HEPACAM2: variants seen among roughly 807,000 people sequenced by gnomAD.
The protein encoded by HEPACAM2 is HEPACAM family member 2.
HEPACAM2 carries 49 observed loss-of-function variants against 49.6 expected under a neutral mutation model. That is an observed-to-expected ratio of 0.99 (90% CI 0.78 to 1.25). The LOEUF is 1.25. Ranked by LOEUF, HEPACAM2 falls within the 50% of genes most tolerant of loss-of-function variation. HEPACAM2 has a pLI of 0.00. For missense variants in HEPACAM2, 525 were observed against 557.2 expected (o/e 0.94, Z 0.58); for synonymous variants, 197 against 202.9 (o/e 0.97, Z 0.25).
At chr7:93,195,774 C>T (rs1793697989) in intron 8 of HEPACAM2, 54 bp downstream of exon 8, 2 of 1,380,480 alleles carry the variant, frequency 1.4e-6, no homozygotes, top group Non-Finnish European at 1.0e-6. Flanking sequence ...CTTTTTACAC[C>T]TCTGGTGAAG....
At chr7:93,189,760 T>A (rs1158103087) in intron 9 of HEPACAM2, among the ~76,000 whole-genome samples, 1 of 152,016 alleles carries the variant, frequency 6.6e-6, no homozygotes, top group African/African-American at 2.4e-5. Context: ...ATTGTTTGGC[T>A]GTCTTTCCTA....
intron 1 of HEPACAM2, among the ~76,000 whole-genome samples, chr7:93,221,353 TAGAAAGG>T (rs1794445638): frequency 6.6e-6 from 1 of 152,208 alleles, no homozygotes; most frequent in South Asian, 2.1e-4. Context: ...TTCATTCTAC[TAGAAAGG>T]GAGTCCTCAA....
intron 7 of HEPACAM2, among the ~76,000 whole-genome samples, chr7:93,196,564 A>G (rs1793725674): frequency 6.6e-6 from 1 of 152,074 alleles, no homozygotes; most frequent in Non-Finnish European, 1.5e-5. Flanking sequence ...CACTCCACCT[A>G]TATCATTTTA....
At chr7:93,220,820 C>A (rs1794434631) in intron 1 of HEPACAM2, among the ~76,000 whole-genome samples, 1 of 152,134 alleles carries the variant, frequency 6.6e-6, no homozygotes, top group African/African-American at 2.4e-5. Flanking sequence ...TTTAGCATTT[C>A]TATGTATTTG....
intron 1 of HEPACAM2, among the ~76,000 whole-genome samples, chr7:93,220,130 A>G (rs2116720172): frequency 6.6e-6 from 1 of 152,332 alleles, no homozygotes; most frequent in South Asian, 2.1e-4. Flanking sequence ...ACAGACTGGC[A>G]GGACCTTAGG....
chr7:93,215,635 C>T lies in HEPACAM2; in HGVS notation c.481G>A (p.Glu161Lys). ...VQIHPPSGAV[E>K]YVGNMTLTCH... ...GTCAGGGTCATGTTCCCCACATACT[C>T]CACAGCCCCAGAGGGAGGATGAATC... The change falls in exon 3 of 10, where the codon GAG becomes AAG. Residue 161 changes from glutamate to lysine, a missense_variant. Coordinates refer to ENST00000394468, the MANE Select transcript of HEPACAM2 (RefSeq NM_001039372.4). The T allele has an allele frequency of 6.2e-7, 1 of 1,613,690 alleles. No homozygotes were observed. Among genetic ancestry groups the T allele is most frequent in the Non-Finnish European group, 8.5e-7 (1 of 1,179,796 alleles).
intron 8 of HEPACAM2, among the ~76,000 whole-genome samples, chr7:93,195,248 G>C (rs998483171): frequency 6.6e-6 from 1 of 152,082 alleles, no homozygotes; most frequent in Admixed American, 6.6e-5. Flanking sequence ...ATTTATTTGA[G>C]ACAGGGTCTT....
intron 1 of HEPACAM2, chr7:93,225,997 A>T (rs1235744471): frequency 2.3e-6 from 2 of 887,526 alleles, no homozygotes; most frequent in Non-Finnish European, 1.7e-6. Context: ...TTGTAGTTTC[A>T]CTCTAAGTGG....
At chr7:93,208,105 A>C (rs1488430393) in intron 4 of HEPACAM2, among the ~76,000 whole-genome samples, 1 of 151,988 alleles carries the variant, frequency 6.6e-6, no homozygotes, top group East Asian at 1.9e-4. Flanking sequence ...CCCCTTGTGA[A>C]CTTCCATAGA....
At chr7:93,202,193 A>G (rs556802938) in intron 4 of HEPACAM2, among the ~76,000 whole-genome samples, 27 of 150,838 alleles carry the variant, frequency 1.8e-4, no homozygotes, top group African/African-American at 6.3e-4. Flanking sequence ...CTATTTCGTC[A>G]TTTTAGATCT....
chr7:93,226,740 C>A (rs116929191), upstream of HEPACAM2, among the ~76,000 whole-genome samples: 4 of 152,012 alleles, frequency 2.6e-5, no homozygotes, highest in African/African-American at 4.8e-5. Flanking sequence ...CATCCTTTTG[C>A]GTGACTTTAC....
intron 3 of HEPACAM2, among the ~76,000 whole-genome samples, chr7:93,212,215 C>T (rs986626856): frequency 2.0e-5 from 3 of 151,964 alleles, no homozygotes; most frequent in Non-Finnish European, 4.4e-5. Flanking sequence ...AATAAAAATA[C>T]CTTTAAAGAA....
At chr7:93,196,826 C>T (rs909305326) in intron 7 of HEPACAM2, among the ~76,000 whole-genome samples, 12 of 152,126 alleles carry the variant, frequency 7.9e-5, no homozygotes, top group African/African-American at 2.9e-4. Context: ...ATCTTCTTTT[C>T]CTCTTCTCTT....
chr7:93,215,689 C>T lies in HEPACAM2; in HGVS notation c.431-4G>A. 1.2e-6 allele frequency: 2 copies of T among 1,611,714 alleles called. No individual in the cohort carries two copies. The highest frequency in any genetic ancestry group is 1.7e-6 in the Non-Finnish European group (2 of 1,178,518). On this transcript the variant is annotated splice_region_variant and splice_polypyrimidine_tract_variant and intron_variant, in intron 2 of 9. Coordinates refer to ENST00000394468, the MANE Select transcript of HEPACAM2 (RefSeq NM_001039372.4). The stretch of plus-strand genomic sequence containing the variant: ...ACCACTGGCTTTGTGACAGGATCTG[C>T]AATATTAAGAGAGATATGAATGATT...
chr7:93,229,283 G>A (rs1794588524), upstream of HEPACAM2, among the ~76,000 whole-genome samples: 1 of 152,166 alleles, frequency 6.6e-6, no homozygotes, highest in Non-Finnish European at 1.5e-5. Context: ...AAGCTGCCTC[G>A]TGGAAGCCTT....
chr7:93,213,372 T>C (rs1794224914), intron 3 of HEPACAM2, among the ~76,000 whole-genome samples: 1 of 152,022 alleles, frequency 6.6e-6, no homozygotes, highest in Non-Finnish European at 1.5e-5. Flanking sequence ...TTTATTATAC[T>C]TTTTCTGCCA....
rs1794247448 is a variant in HEPACAM2, at chr7:93,214,217, G to A, written c.715+1184C>T. On this transcript the variant is annotated intron_variant, in intron 3 of 9. Coordinates refer to ENST00000394468, the MANE Select transcript of HEPACAM2 (RefSeq NM_001039372.4). ...TCAAATAATCTATAAATGAATGAGTGCATAAATGAATAAGTAAGTGAATGA... is the reference window on the plus strand; with the variant it reads ...TCAAATAATCTATAAATGAATGAGTACATAAATGAATAAGTAAGTGAATGA... Among the ~76,000 whole-genome samples, 9 of 152,154 alleles carry A rather than the reference G, an allele frequency of 5.9e-5. 1 individual carries two copies. In the Middle Eastern group the frequency reaches 0.01, roughly 173 times the overall value.
At chr7:93,210,780 A>G (rs1202593319) in intron 3 of HEPACAM2, among the ~76,000 whole-genome samples, 1 of 151,976 alleles carries the variant, frequency 6.6e-6, no homozygotes, top group East Asian at 1.9e-4. Flanking sequence ...AATAGAATGT[A>G]GTAACTAAAC....
chr7:93,218,883 C>T (rs909603367), intron 2 of HEPACAM2, among the ~76,000 whole-genome samples: 3 of 152,172 alleles, frequency 2.0e-5, no homozygotes, highest in African/African-American at 7.2e-5. Flanking sequence ...TTACCTATTG[C>T]ACTAGGTATA....
Sources: allele counts gnomAD v4.1 joint callset (sites outside exome capture counted in the v4.1 genomes callset), GRCh38; gene constraint gnomAD v4.1.1; transcripts MANE v1.5; gene names NCBI Gene and HGNC (gene_info 2026-07-23, HGNC 2026-07-21).